The following ASTN2 variants were observed in gnomAD, a reference collection of about 807,000 sequenced individuals.
The protein encoded by ASTN2 is astrotactin-2.
A neutral mutation model predicts 139.8 loss-of-function variants in ASTN2; 54 were observed. That is an observed-to-expected ratio of 0.39 (90% CI 0.31 to 0.48). The LOEUF is 0.48. Among genes scored for constraint, ASTN2 ranks in the 20% least tolerant of loss-of-function variants. The pLI is 0.95. For missense variants in ASTN2, 1,565 were observed against 1,725.1 expected (o/e 0.91, Z 1.64); for synonymous variants, 756 against 719.5 (o/e 1.05, Z -0.81).
At chr9:117,142,759 A>G (rs1296418449) in intron 3 of ASTN2, among the ~76,000 whole-genome samples, 1 of 152,210 alleles carries the variant, frequency 6.6e-6, no homozygotes, top group East Asian at 1.9e-4. Flanking sequence ...AGAGAAAACC[A>G]AAAAGAAGAA....
rs555298417 is a variant in ASTN2 at position 117,365,476 on chromosome 9, A to T, written c.442+49021T>A. 3.4e-4 allele frequency among the ~76,000 whole-genome samples: 52 copies of T among 152,082 alleles called. 1 individual carries two copies. Among genetic ancestry groups the T allele is most frequent in the Non-Finnish European group, 6.3e-4 (43 of 67,980 alleles). On this transcript the variant is annotated intron_variant, in intron 1 of 22. Transcript: ENST00000313400. ...CTCAGCTCGTCATTGTCTCAAAATGACCCAGGCTGATGGGGCAGACAATAT... is the reference window on the plus strand; with the variant it reads ...CTCAGCTCGTCATTGTCTCAAAATGTCCCAGGCTGATGGGGCAGACAATAT...
chr9:116,699,604 G>T lies in ASTN2; in HGVS notation c.2806+26167C>A, dbSNP rs775856458. 6.2e-7 allele frequency: 1 copy of T among 1,614,188 alleles called. No individual in the cohort carries two copies. Among genetic ancestry groups the T allele is most frequent in the Admixed American group, 1.7e-5 (1 of 60,028 alleles). ...CGAGAGGGACTTACCTGTCCGGTGG[G>T]CATAGCCCTAACTCCTAAGGGGCAG... On this transcript the variant is annotated intron_variant, in intron 16 of 22. Transcript: ENST00000313400. The surrounding 1 kb of genome is among the most constrained non-coding windows in gnomAD (Gnocchi z 4.2).
In ASTN2 at chr9:116,424,200, C is replaced by T. The variant is rs969777523; in HGVS notation, c.*1651G>A. Among the ~76,000 whole-genome samples, 3 of 152,064 alleles carry T rather than the reference C, an allele frequency of 2.0e-5. No individual in the cohort carries two copies. Among genetic ancestry groups the T allele is most frequent in the East Asian group, 3.9e-4 (2 of 5,186 alleles). ...CATTTAAAAGGATATTTCAATGATA[C>T]CTCAATAAAGCTGTTTTAAAAATAG... On this transcript the variant is annotated 3_prime_UTR_variant, in exon 23 of 23. Transcript: ENST00000313400.
intron 19 of ASTN2, among the ~76,000 whole-genome samples, chr9:116,553,038 A>G (rs1043829277): frequency 6.6e-6 from 1 of 152,132 alleles, no homozygotes. Flanking sequence ...TAAGACAGAG[A>G]ATTGAAGGCT....
At position 116,604,302 on chromosome 9, in the gene ASTN2, C is replaced by T. The variant is rs372826984; in HGVS notation, c.3355+14022G>A. ...GAACAGGATAAAGACTCTCCAAGTA[C>T]CTTTTCCCTTTGGAAGTCTTTGACT... On this transcript the variant is annotated intron_variant, in intron 19 of 22. Transcript: ENST00000313400. 1.2e-4 allele frequency among the ~76,000 whole-genome samples: 19 copies of T among 152,290 alleles called. No homozygotes were observed. In the East Asian group the frequency reaches 3.5e-3, roughly 28 times the overall value.
intron 1 of ASTN2, among the ~76,000 whole-genome samples, chr9:117,310,143 C>G (rs1414987903): frequency 6.6e-6 from 1 of 152,080 alleles, no homozygotes; most frequent in Non-Finnish European, 1.5e-5. Flanking sequence ...TACATGCAAA[C>G]ATGCATCAAT....
chr9:116,827,729 A>T (rs978235999), intron 11 of ASTN2, among the ~76,000 whole-genome samples: 1 of 152,134 alleles, frequency 6.6e-6, no homozygotes, highest in East Asian at 1.9e-4. Flanking sequence ...ACTGAGATTG[A>T]ATCAATAATA....
At chr9:116,618,592 C>T (rs1383613316) in intron 18 of ASTN2, 120 bp from the exon 19 acceptor site, 14 of 1,199,502 alleles carry the variant, frequency 1.2e-5, no homozygotes, top group Non-Finnish European at 8.0e-6. Context: ...TTGATTCCAC[C>T]CATGATCGCC....
intron 11 of ASTN2, among the ~76,000 whole-genome samples, chr9:116,845,059 G>A (rs1832386096): frequency 6.6e-6 from 1 of 152,214 alleles, no homozygotes; most frequent in Non-Finnish European, 1.5e-5. Context: ...AGCAGAACCA[G>A]GGTGCAAACA....
Position 116,843,816 on chromosome 9 carries a change from C to A in ASTN2, c.2040+19767G>T, listed in dbSNP as rs546022878. On this transcript the variant is annotated intron_variant, in intron 11 of 22. Coordinates refer to ENST00000313400, the MANE Select transcript of ASTN2 (RefSeq NM_001365068.1). ...TTAAAAAACTACTTATTGGGCACTA[C>A]GCTTAGTACCTGAGTGATGGGATCA... Among the ~76,000 whole-genome samples the A allele has an allele frequency of 6.6e-5, 10 of 152,222 alleles. No individual in the cohort carries two copies. The South Asian group carries it at 2.1e-3, about 32-fold the overall frequency.
chr9:116,593,310 G>C (rs780194586), intron 19 of ASTN2, among the ~76,000 whole-genome samples: 4 of 152,224 alleles, frequency 2.6e-5, no homozygotes, highest in South Asian at 2.1e-4. Flanking sequence ...CCGAAGGCAT[G>C]ATACAGGGCT....
chr9:117,376,034 T>C (rs1022697021), intron 1 of ASTN2, among the ~76,000 whole-genome samples: 12 of 152,190 alleles, frequency 7.9e-5, no homozygotes, highest in African/African-American at 2.9e-4. Context: ...CCCACCTAGA[T>C]AATCCAGTAT....
intron 3 of ASTN2, among the ~76,000 whole-genome samples, chr9:117,145,619 C>G (rs761568094): frequency 6.6e-6 from 1 of 151,558 alleles, no homozygotes; most frequent in Non-Finnish European, 1.5e-5. Context: ...AACCATGTCT[C>G]CCTGCCTTTT....
Position 116,699,374 on chromosome 9 carries a change from C to T in ASTN2, c.2806+26397G>A, listed in dbSNP as rs1313150999. Reference sequence around the variant, plus strand: ...ATCTGGAGAATCGGCAGAATGAGCACCACCTGGAGGGTGGCTTTTCCATTG... The same window carrying T: ...ATCTGGAGAATCGGCAGAATGAGCATCACCTGGAGGGTGGCTTTTCCATTG... On this transcript the variant is annotated intron_variant, in intron 16 of 22. Coordinates refer to ENST00000313400, the MANE Select transcript of ASTN2 (RefSeq NM_001365068.1). The surrounding 1 kb of genome is among the most constrained non-coding windows in gnomAD (Gnocchi z 4.2). The T allele has an allele frequency of 2.5e-6, 4 of 1,614,196 alleles. No homozygotes were observed. The highest frequency in any genetic ancestry group is 2.2e-5 in the South Asian group (2 of 91,076).
Position 117,304,624 on chromosome 9 carries a change from G to A in ASTN2, c.443-13111C>T, listed in dbSNP as rs539573536. Among the ~76,000 whole-genome samples the A allele has an allele frequency of 9.8e-5, 15 of 152,322 alleles. No individual in the cohort carries two copies. The East Asian group carries it at 1.4e-3, about 14-fold the overall frequency. On this transcript the variant is annotated intron_variant, in intron 1 of 22. Coordinates refer to ENST00000313400, the MANE Select transcript of ASTN2 (RefSeq NM_001365068.1). ...ATTGGCTTCAACAGTACTGCTTCAGGAGTGTAGTCTGCCTCTATATTCCTT... is the reference window on the plus strand; with the variant it reads ...ATTGGCTTCAACAGTACTGCTTCAGAAGTGTAGTCTGCCTCTATATTCCTT...
At chr9:117,053,116 C>A (rs546484139) in intron 5 of ASTN2, among the ~76,000 whole-genome samples, 3 of 152,168 alleles carry the variant, frequency 2.0e-5, no homozygotes, top group Non-Finnish European at 4.4e-5. Flanking sequence ...AACCTAGGCA[C>A]TTGATGTGCA....
intron 3 of ASTN2, among the ~76,000 whole-genome samples, chr9:117,178,567 C>A (rs1005580722): frequency 1.3e-5 from 2 of 152,166 alleles, no homozygotes; most frequent in African/African-American, 2.4e-5. Context: ...TGCTCCAGGG[C>A]AGGCAATGAA....
In ASTN2 at chr9:116,863,652, C is replaced by T; in HGVS notation, c.1971G>A (p.Arg657=). ...SSFGPVRDCS[R]NNGGCTRNFK... is the part of the protein sequence containing the mutation. ...AGTTGCGAGTGCAGCCCCCATTGTT[C>T]CGAGAGCAGTCACGAACTGGCCCGA... The change falls in exon 11 of 23, where the codon CGG becomes CGA. Residue 657 remains arginine (R), a synonymous_variant. Coordinates refer to ENST00000313400, the MANE Select transcript of ASTN2 (RefSeq NM_001365068.1). The T allele has an allele frequency of 3.1e-6, 5 of 1,614,188 alleles. No individual in the cohort carries two copies. In the South Asian group the frequency reaches 3.3e-5, roughly 11 times the overall value.
chr9:116,930,952 T>C (rs922179573), intron 10 of ASTN2, among the ~76,000 whole-genome samples: 7 of 152,056 alleles, frequency 4.6e-5, no homozygotes, highest in African/African-American at 1.4e-4. Flanking sequence ...GGCCCAGTCC[T>C]TCCCATCAAC....
Sources: gnomAD v4.1 joint callset for allele counts (sites outside exome capture counted in the v4.1 genomes callset) on GRCh38, gnomAD v4.1.1 for gene constraint, Gnocchi (gnomAD v3.1) non-coding constraint, MANE v1.5 for transcripts, NCBI Gene and HGNC (gene_info 2026-07-23, HGNC 2026-07-21) for gene names.